Variants in DEPTOR observed in about 807,000 individuals in gnomAD.
The protein encoded by DEPTOR is DEP domain-containing mTOR-interacting protein.
In DEPTOR, 41 loss-of-function variants were observed where a neutral mutation model predicts 41.6. That is an observed-to-expected ratio of 0.98 (90% CI 0.77 to 1.28). The LOEUF is 1.28. Ranked by LOEUF, DEPTOR falls within the 50% of genes most tolerant of loss-of-function variation. DEPTOR has a pLI of 0.00. For missense variants in DEPTOR, 514 were observed against 527.9 expected (o/e 0.97, Z 0.26); for synonymous variants, 195 against 192.3 (o/e 1.01, Z -0.12).
chr8:119,955,570 G>A (rs1267235562), intron 3 of DEPTOR, among the ~76,000 whole-genome samples: 6 of 151,772 alleles, frequency 4.0e-5, no homozygotes, highest in Non-Finnish European at 7.4e-5. Context: ...GAGTTCAAGC[G>A]ATTCTCCTGC....
At chr8:119,959,424 G>A (rs1169952344) in intron 3 of DEPTOR, among the ~76,000 whole-genome samples, 1 of 151,972 alleles carries the variant, frequency 6.6e-6, no homozygotes, top group East Asian at 1.9e-4. Context: ...GCCTCCCAAA[G>A]TGCTGGGATT....
chr8:119,956,740 G>GTTTTTTTTTTTTTTTTTTTT (rs71571641), intron 3 of DEPTOR, among the ~76,000 whole-genome samples: 3 of 92,014 alleles, frequency 3.3e-5, no homozygotes, highest in Non-Finnish European at 6.0e-5. Context: ...TTTTTTTTTT[G>GTTTTTTTTTTTTTTTTTTTT]TTTTTTTTTT....
chr8:119,894,384 T>TTTTTTTTATTTATTTA (rs1554671411), intron 1 of DEPTOR, among the ~76,000 whole-genome samples: 21 of 46,486 alleles, frequency 4.5e-4, no homozygotes, highest in East Asian at 8.9e-3. Flanking sequence ...AATAGTTCTT[T>TTTTTTTTATTTATTTA]TTTATTTATT....
At position 120,002,794 on chromosome 8, in the gene DEPTOR, AT is replaced by A. The variant is rs1159135879; in HGVS notation, c.791-182del. Among the ~76,000 whole-genome samples, 133 of 102,752 alleles carry A rather than the reference AT, an allele frequency of 1.3e-3. 5 individuals are homozygous for A. In the East Asian group the frequency reaches 0.035, roughly 27 times the overall value. The allele number at this position is 102,752 out of a possible 152,430, so 67.4% of individuals were successfully genotyped here. ...TCCATCTCAAAAAAAAAAAAAAAAT[AT>A]ATATATATATATATATAATATAAAG... On this transcript the variant is annotated intron_variant, in intron 5 of 8. Coordinates refer to ENST00000286234, the MANE Select transcript of DEPTOR (RefSeq NM_022783.4).
intron 3 of DEPTOR, among the ~76,000 whole-genome samples, chr8:119,931,102 C>G (rs1828037656): frequency 6.6e-6 from 1 of 151,986 alleles, no homozygotes; most frequent in Non-Finnish European, 1.5e-5. Context: ...ATCCCAGCTA[C>G]TTGGTAGGCT....
intron 3 of DEPTOR, among the ~76,000 whole-genome samples, chr8:119,932,273 C>T (rs989729541): frequency 2.6e-5 from 4 of 152,156 alleles, no homozygotes; most frequent in Admixed American, 6.5e-5. Flanking sequence ...CCATGAGCTA[C>T]TGCACCTATA....
chr8:120,003,141 A>G, intron 6 of DEPTOR, 30 bp downstream of exon 6: 1 of 1,604,876 alleles, frequency 6.2e-7, no homozygotes, highest in Non-Finnish European at 8.5e-7. Flanking sequence ...CCCCGCTCCT[A>G]AGACTGTGGG....
rs959714304 is a variant in DEPTOR, at chr8:120,022,427, C to A, written c.1101+13294C>A. 1.6e-4 allele frequency among the ~76,000 whole-genome samples: 25 copies of A among 152,262 alleles called. No homozygotes were observed. The East Asian group carries it at 3.5e-3, about 21-fold the overall frequency. On this transcript the variant is annotated intron_variant, in intron 8 of 8. Transcript: ENST00000286234. ...ATTTTTTTAAACATCTTGGTACAAT[C>A]CTGTGCTTCTCCTAAATTGATCTGC...
intron 2 of DEPTOR, among the ~76,000 whole-genome samples, 165 bp downstream of exon 2, chr8:119,928,743 C>CTTTTTTTTTTTT (rs376801517): frequency 5.3e-4 from 68 of 127,874 alleles, no homozygotes; most frequent in East Asian, 9.2e-4. Context: ...TGGGTTCTTT[C>CTTTTTTTTTTTT]TTTTTTTTTT....
intron 6 of DEPTOR, among the ~76,000 whole-genome samples, chr8:120,004,988 A>G (rs1308852582): frequency 1.3e-5 from 2 of 152,206 alleles, no homozygotes; most frequent in Non-Finnish European, 2.9e-5. Flanking sequence ...TGTTATCAGT[A>G]TCATTGTGAT....
intron 8 of DEPTOR, among the ~76,000 whole-genome samples, chr8:120,031,851 T>C (rs4348544): frequency 0.8 from 120,917 of 152,024 alleles, 48,149 homozygotes; most frequent in African/African-American, 0.83. Context: ...CAATTCCCAC[T>C]GCTGTGACTT....
chr8:119,975,054 ACT>A (rs1203672749), intron 4 of DEPTOR, among the ~76,000 whole-genome samples: 3 of 151,676 alleles, frequency 2.0e-5, no homozygotes, highest in Non-Finnish European at 4.4e-5. Flanking sequence ...TAATCCTAAC[ACT>A]TTTAGAGGCC....
At chr8:119,900,213 G>A (rs1450519856) in intron 1 of DEPTOR, among the ~76,000 whole-genome samples, 2 of 150,868 alleles carry the variant, frequency 1.3e-5, no homozygotes, top group East Asian at 2.0e-4. Flanking sequence ...CCAGCTACCC[G>A]GGAGGCTGAG....
intron 1 of DEPTOR, among the ~76,000 whole-genome samples, chr8:119,901,994 A>G (rs1827599882): frequency 6.6e-6 from 1 of 151,300 alleles, no homozygotes; most frequent in South Asian, 2.1e-4. Context: ...GATACATATT[A>G]TGAACATCCG....
intron 3 of DEPTOR, among the ~76,000 whole-genome samples, chr8:119,931,617 A>G (rs1473604760): frequency 6.6e-6 from 1 of 152,154 alleles, no homozygotes; most frequent in Non-Finnish European, 1.5e-5. Flanking sequence ...TTGAGGTGGA[A>G]TGATCACCAT....
chr8:119,933,810 T>C (rs1345394463), intron 3 of DEPTOR, among the ~76,000 whole-genome samples: 2 of 152,192 alleles, frequency 1.3e-5, no homozygotes, highest in Admixed American at 1.3e-4. Flanking sequence ...AATAGGACTT[T>C]GTGAAACTTT....
At chr8:120,045,026 T>G (rs969403154) in intron 8 of DEPTOR, among the ~76,000 whole-genome samples, 2 of 152,196 alleles carry the variant, frequency 1.3e-5, no homozygotes, top group African/African-American at 4.8e-5. Context: ...TGGTACAAGA[T>G]GTCATGGGCT....
chr8:120,010,391 G>T lies in DEPTOR; in HGVS notation c.1101+1258G>T, dbSNP rs369967084. On this transcript the variant is annotated intron_variant, in intron 8 of 8. Transcript: ENST00000286234. The stretch of plus-strand genomic sequence containing the variant: ...GCATCTTGGGAGGCTGAGGCGGGTG[G>T]ATCACTTTAGGTCAGGAGTTCAAGA... Among the ~76,000 whole-genome samples the T allele has an allele frequency of 4.7e-4, 72 of 152,120 alleles. No homozygotes were observed. The East Asian group carries it at 5.2e-3, about 11-fold the overall frequency.
At chr8:119,904,965 C>CCTTT (rs1827643263) in intron 1 of DEPTOR, among the ~76,000 whole-genome samples, 1 of 85,970 alleles carries the variant, frequency 1.2e-5, no homozygotes, top group African/African-American at 4.3e-5. Context: ...CTAATTTTTG[C>CCTTT]TTTTTTTTTT....
Sources: allele counts gnomAD v4.1 joint callset (sites outside exome capture counted in the v4.1 genomes callset), GRCh38; gene constraint gnomAD v4.1.1; transcripts MANE v1.5; gene names NCBI Gene and HGNC (gene_info 2026-07-23, HGNC 2026-07-21).